The following NLGN4X variants were observed in gnomAD, a reference collection of about 807,000 sequenced individuals.
The protein encoded by NLGN4X is neuroligin 4 X-linked, also known as neuroligin-4, X-linked.
A neutral mutation model predicts 40.3 loss-of-function variants in NLGN4X; 3 were observed. The ratio of observed to expected loss-of-function variants is 0.07; its 90% CI spans 0.03 to 0.19. NLGN4X has a LOEUF of 0.19. NLGN4X is among the 10% of genes least tolerant of loss of function. The pLI, the probability that NLGN4X is intolerant of heterozygous loss-of-function variation, is 1.00. For synonymous variants in NLGN4X, 270 were observed against 306.8 expected, an observed-to-expected ratio of 0.88 and a Z score of 1.25; for missense variants, 382 against 708.3, an observed-to-expected ratio of 0.54 and a Z score of 5.23.
At chrX:6,064,007 C>T (rs780961437) in intron 2 of NLGN4X, among the ~76,000 whole-genome samples, 7 of 111,117 alleles carry the variant, frequency 6.3e-5, no homozygotes, top group Admixed American at 4.8e-4. Flanking sequence ...CTTTTATTTC[C>T]TCCTTATTTC....
chrX:5,922,059 G>A (rs1436168690), intron 3 of NLGN4X, among the ~76,000 whole-genome samples: 1 of 111,654 alleles, frequency 9.0e-6, no homozygotes, highest in Non-Finnish European at 1.9e-5. Context: ...AAGAATCAGA[G>A]GGAAAAGGGA....
intron 3 of NLGN4X, among the ~76,000 whole-genome samples, chrX:6,018,174 GTATACACACATAGAT>G (rs1339760430): frequency 9.2e-6 from 1 of 108,985 alleles, no homozygotes; most frequent in Non-Finnish European, 1.9e-5. Context: ...ATATATGTAT[GTATACACACATAGAT>G]TATACACACC....
chrX:6,223,669 T>C (rs1017325560), intron 1 of NLGN4X, among the ~76,000 whole-genome samples: 1 of 112,456 alleles, frequency 8.9e-6, no homozygotes, highest in Non-Finnish European at 1.9e-5. Flanking sequence ...TGGAAAATAT[T>C]CGTTGAGTGA....
At chrX:6,045,522 A>G (rs1354051374) in intron 2 of NLGN4X, among the ~76,000 whole-genome samples, 1 of 111,950 alleles carries the variant, frequency 8.9e-6, no homozygotes, top group Non-Finnish European at 1.9e-5. Context: ...GACTCTACAA[A>G]TACAGTAAGA....
intron 3 of NLGN4X, among the ~76,000 whole-genome samples, chrX:5,978,300 CTTT>C (rs1159168986): frequency 4.5e-5 from 4 of 88,333 alleles, no homozygotes; most frequent in East Asian, 3.6e-4. Context: ...TTCTTTCTTT[CTTT>C]CTTTCTTTCT....
chrX:6,079,148 G>A (rs1200710956), intron 2 of NLGN4X, among the ~76,000 whole-genome samples: 1 of 111,582 alleles, frequency 9.0e-6, no homozygotes, highest in Non-Finnish European at 1.9e-5. Context: ...AGCAGTGTAA[G>A]AATAGACTAA....
At chrX:5,911,690 G>A (rs1381178000) in intron 3 of NLGN4X, among the ~76,000 whole-genome samples, 1 of 111,751 alleles carries the variant, frequency 8.9e-6, no homozygotes, top group Non-Finnish European at 1.9e-5. Flanking sequence ...GGTACACAAT[G>A]AATGCAATAA....
chrX:5,917,712 T>C (rs1422475773), intron 3 of NLGN4X, among the ~76,000 whole-genome samples: 1 of 111,638 alleles, frequency 9.0e-6, no homozygotes, highest in African/African-American at 3.3e-5. Context: ...TCAGAAGCCA[T>C]GCAGTTTAGT....
At chrX:6,227,593 C>G (rs1926494751) in intron 1 of NLGN4X, 1 of 110,923 alleles carries the variant, frequency 9.0e-6, no homozygotes, top group African/African-American at 3.3e-5. Flanking sequence ...CCTTCTGCGG[C>G]TTGCCTCACC....
chrX:6,217,851 T>C (rs1321593006), intron 1 of NLGN4X, among the ~76,000 whole-genome samples: 1 of 111,771 alleles, frequency 8.9e-6, no homozygotes, highest in East Asian at 2.8e-4. Flanking sequence ...TTGACCTTCC[T>C]ACTGGGTTAC....
chrX:6,178,204 T>G (rs1166848367), intron 1 of NLGN4X, among the ~76,000 whole-genome samples: 2 of 112,035 alleles, frequency 1.8e-5, no homozygotes, highest in Non-Finnish European at 3.8e-5. Flanking sequence ...ATCTTTTAGT[T>G]AGACAAAGGT....
intron 3 of NLGN4X, among the ~76,000 whole-genome samples, chrX:5,941,182 T>G (rs1444608796): frequency 2.9e-4 from 6 of 20,994 alleles, no homozygotes; most frequent in South Asian, 3.4e-3. Flanking sequence ...TGCTAGGGGG[T>G]GTGTGTGTGT....
At chrX:6,112,728 T>C (rs899871979) in intron 2 of NLGN4X, among the ~76,000 whole-genome samples, 13 of 109,423 alleles carry the variant, frequency 1.2e-4, no homozygotes, top group African/African-American at 4.0e-4. Context: ...GGATTACAGG[T>C]GTGAGCCACC....
intron 1 of NLGN4X, among the ~76,000 whole-genome samples, chrX:6,210,260 GTGTGTGTGTGTGTGTA>G (rs1222789595): frequency 6.9e-5 from 7 of 100,777 alleles, no homozygotes; most frequent in African/African-American, 2.4e-4. Flanking sequence ...GTGTGTGTGT[GTGTGTGTGTGTGTGTA>G]TGTATGTAAT....
At chrX:6,196,435 T>C (rs779446323) in intron 1 of NLGN4X, among the ~76,000 whole-genome samples, 10 of 106,677 alleles carry the variant, frequency 9.4e-5, no homozygotes, top group South Asian at 4.4e-4. Context: ...GCCTGTAGTC[T>C]CAGCTACTCA....
intron 3 of NLGN4X, among the ~76,000 whole-genome samples, chrX:5,975,974 T>C (rs2035167321): frequency 9.0e-6 from 1 of 111,213 alleles, no homozygotes; most frequent in Admixed American, 9.6e-5. Context: ...CCTTTTCCTT[T>C]TGCCACCAAT....
chrX:6,040,206 C>T (rs1033804510), intron 2 of NLGN4X, among the ~76,000 whole-genome samples: 8 of 111,702 alleles, frequency 7.2e-5, no homozygotes, highest in African/African-American at 2.6e-4. Flanking sequence ...TCCCAAAGTG[C>T]TGTATTACAG....
Position 6,228,556 on chromosome X carries a change from G to C in NLGN4X, c.-321C>G, listed in dbSNP as rs1367747245. On this transcript the variant is annotated 5_prime_UTR_variant, in exon 1 of 6. Transcript: ENST00000381095. Reference sequence around the variant, plus strand: ...CTGCACCTACCTTAGCTTTGGAAGAGCTGCATCGGCCGTTAAGAGTTCTTT... The same window carrying C: ...CTGCACCTACCTTAGCTTTGGAAGACCTGCATCGGCCGTTAAGAGTTCTTT... The C allele has an allele frequency of 9.0e-6, 1 of 111,464 alleles. No homozygotes were observed. Among genetic ancestry groups the C allele is most frequent in the African/African-American group, 3.3e-5 (1 of 30,587 alleles). The allele number at this position is 111,464 out of a possible 1,213,427, so 9.2% of individuals were successfully genotyped here.
At chrX:6,099,751 C>T (rs1052729284) in intron 2 of NLGN4X, among the ~76,000 whole-genome samples, 2 of 112,268 alleles carry the variant, frequency 1.8e-5, no homozygotes, top group Admixed American at 9.4e-5. Context: ...GTGATGATGT[C>T]CATTTGAAGT....
Sources: allele counts gnomAD v4.1 joint callset (sites outside exome capture counted in the v4.1 genomes callset), GRCh38; gene constraint gnomAD v4.1.1; transcripts MANE v1.5; gene names NCBI Gene and HGNC (gene_info 2026-07-23, HGNC 2026-07-21).